Variants in SNX31 observed in about 807,000 individuals in gnomAD.
SNX31 encodes the protein sorting nexin-31.
Under a neutral mutation model 65.4 loss-of-function variants are expected in SNX31, and 58 were observed. That is an observed-to-expected ratio of 0.89 (90% CI 0.72 to 1.10). The LOEUF is 1.10. Ranked by LOEUF, SNX31 falls within the 50% of genes least tolerant of loss-of-function variation. SNX31 has a pLI of 0.00. For synonymous variants in SNX31, 181 were observed against 190.1 expected (o/e 0.95, Z 0.39); for missense variants, 523 against 529.7 (o/e 0.99, Z 0.12).
At chr8:100,619,869 C>T (rs1460557020) in intron 4 of SNX31, 3 of 152,264 alleles carry the variant, frequency 2.0e-5, no homozygotes, top group African/African-American at 4.8e-5. Context: ...AAAGGAGTCA[C>T]ATCATCTTCT....
At chr8:100,624,718 G>A (rs1817929758) in intron 4 of SNX31, among the ~76,000 whole-genome samples, 1 of 152,074 alleles carries the variant, frequency 6.6e-6, no homozygotes, top group Admixed American at 6.6e-5. Flanking sequence ...AAATGTAAAC[G>A]CAATACAAAA....
At position 100,590,906 on chromosome 8, in the gene SNX31, C is replaced by A. The variant is rs111863170; in HGVS notation, c.979-1927G>T. Among the ~76,000 whole-genome samples the A allele has an allele frequency of 5.9e-3, 905 of 152,232 alleles. 12 individuals are homozygous for A. Among genetic ancestry groups the A allele is most frequent in the African/African-American group, 0.02 (822 of 41,520 alleles). ...AAGGAAAACCAAATGAAGTGAGCCCCATAATTATCCCAGCTTACCACCTGA... is the reference window on the plus strand; with the variant it reads ...AAGGAAAACCAAATGAAGTGAGCCCAATAATTATCCCAGCTTACCACCTGA... On this transcript the variant is annotated intron_variant, in intron 10 of 13. Coordinates refer to ENST00000311812, the MANE Select transcript of SNX31 (RefSeq NM_152628.4).
At chr8:100,598,162 G>A (rs1563530898) in intron 9 of SNX31, among the ~76,000 whole-genome samples, 1 of 152,176 alleles carries the variant, frequency 6.6e-6, no homozygotes, top group Non-Finnish European at 1.5e-5. Flanking sequence ...AGTATTCAAA[G>A]CCACTGTCCC....
At position 100,626,162 on chromosome 8, in the gene SNX31, G is replaced by T. The variant is rs1489205484; in HGVS notation, c.321+4165C>A. On this transcript the variant is annotated intron_variant, in intron 4 of 13. Transcript: ENST00000311812. The surrounding 1 kb of genome is among the most constrained non-coding windows in gnomAD (Gnocchi z 4.4). ...AATCGCTTGAACCCAGGAGGTGAAG[G>T]TAGTGACTACCTCATATCTATTAAC... Among the ~76,000 whole-genome samples, 1 of 152,154 alleles carries T rather than the reference G, an allele frequency of 6.6e-6. No homozygotes were observed. The highest frequency in any genetic ancestry group is 1.9e-4 in the East Asian group (1 of 5,196).
At chr8:100,656,520 A>G (rs1401787889) in intron 1 of SNX31, among the ~76,000 whole-genome samples, 1 of 151,762 alleles carries the variant, frequency 6.6e-6, no homozygotes, top group Non-Finnish European at 1.5e-5. Flanking sequence ...GGGTGCCTGT[A>G]ATCCCAGCTA....
intron 8 of SNX31, among the ~76,000 whole-genome samples, chr8:100,608,158 C>T (rs928576415): frequency 6.6e-6 from 1 of 152,132 alleles, no homozygotes; most frequent in Admixed American, 6.5e-5. Context: ...TTATTGTTAT[C>T]GTGGTAAAAT....
Position 100,613,527 on chromosome 8 carries a change from G to T in SNX31, c.433-442C>A, listed in dbSNP as rs976226488. On this transcript the variant is annotated intron_variant, in intron 5 of 13. Coordinates refer to ENST00000311812, the MANE Select transcript of SNX31 (RefSeq NM_152628.4). The surrounding 1 kb of genome is among the most constrained non-coding windows in gnomAD (Gnocchi z 5.2). ...ATTTGGAAAAGGATCACTCCCCGCC[G>T]CTTGGCTGGCATACAAACGTGCATG... Among the ~76,000 whole-genome samples, 1 of 152,172 alleles carries T rather than the reference G, an allele frequency of 6.6e-6. No homozygotes were observed. Among genetic ancestry groups the T allele is most frequent in the African/African-American group, 2.4e-5 (1 of 41,432 alleles).
At chr8:100,597,786 C>A (rs577663093) in intron 9 of SNX31, among the ~76,000 whole-genome samples, 1 of 152,338 alleles carries the variant, frequency 6.6e-6, no homozygotes, top group South Asian at 2.1e-4. Flanking sequence ...GAACTGAGGA[C>A]AGTTGCATTC....
At chr8:100,615,641 G>A (rs184505581) in intron 5 of SNX31, among the ~76,000 whole-genome samples, 3 of 152,332 alleles carry the variant, frequency 2.0e-5, no homozygotes, top group East Asian at 1.9e-4. Flanking sequence ...GGTATGGCCC[G>A]CTGTTCCCAG....
intron 12 of SNX31, among the ~76,000 whole-genome samples, chr8:100,581,346 T>TATAG (rs1461896333): frequency 6.8e-6 from 1 of 147,086 alleles, no homozygotes; most frequent in East Asian, 1.9e-4. Flanking sequence ...TCTATATATA[T>TATAG]ATATATATAT....
At chr8:100,657,620 A>G in intron 1 of SNX31, 1 of 454,900 alleles carries the variant, frequency 2.2e-6, no homozygotes, top group Non-Finnish European at 4.4e-6. Context: ...ATGTGTGGGA[A>G]GGAGGTCCAG....
At chr8:100,616,645 G>A (rs2131072142) in intron 5 of SNX31, among the ~76,000 whole-genome samples, 1 of 152,322 alleles carries the variant, frequency 6.6e-6, no homozygotes, top group African/African-American at 2.4e-5. Context: ...TAGAGATCTA[G>A]CTGGGAAACA....
chr8:100,576,629 C>T lies in SNX31; in HGVS notation c.1227+390G>A, dbSNP rs1813066839. Among the ~76,000 whole-genome samples the T allele has an allele frequency of 6.6e-6, 1 of 152,080 alleles. No individual in the cohort carries two copies. Among genetic ancestry groups the T allele is most frequent in the Admixed American group, 6.5e-5 (1 of 15,282 alleles). ...TATCTGCACAGCAGATCTAAATGCTCAAAAAGTATTTTGTAAACTTAAAAG... is the reference window on the plus strand; with the variant it reads ...TATCTGCACAGCAGATCTAAATGCTTAAAAAGTATTTTGTAAACTTAAAAG... On this transcript the variant is annotated intron_variant, in intron 13 of 13. Transcript: ENST00000311812. This position sits in a 1 kb window ranked among gnomAD's most constrained non-coding sequence, Gnocchi z 4.8.
chr8:100,581,341 A>ATATC (rs1813526484), intron 12 of SNX31, among the ~76,000 whole-genome samples: 1 of 146,060 alleles, frequency 6.8e-6, no homozygotes, highest in African/African-American at 2.5e-5. Context: ...ATCTATCTAT[A>ATATC]TATATATATA....
intron 3 of SNX31, among the ~76,000 whole-genome samples, chr8:100,635,222 T>TTTTA (rs140014187): frequency 4.1e-4 from 62 of 149,766 alleles, no homozygotes; most frequent in South Asian, 1.1e-3. Context: ...ACCTCATCTC[T>TTTTA]TTTATTTATT....
intron 11 of SNX31, among the ~76,000 whole-genome samples, chr8:100,584,619 C>A (rs1290551891): frequency 6.6e-6 from 1 of 151,808 alleles, no homozygotes; most frequent in African/African-American, 2.4e-5. Flanking sequence ...TATTGAGAGA[C>A]CTCTACTGGG....
At chr8:100,619,655 TC>T (rs1447842345) in intron 4 of SNX31, among the ~76,000 whole-genome samples, 1 of 152,218 alleles carries the variant, frequency 6.6e-6, no homozygotes, top group Non-Finnish European at 1.5e-5. Context: ...GGTGGATTGT[TC>T]CTTGGCATCT....
intron 12 of SNX31, chr8:100,582,459 T>C (rs887492045): frequency 6.6e-6 from 1 of 152,234 alleles, no homozygotes; most frequent in African/African-American, 2.4e-5. Context: ...TCCTTGATTC[T>C]TTTATTGCTT....
At position 100,613,231 on chromosome 8, in the gene SNX31, A is replaced by G; in HGVS notation, c.433-146T>C. 1.6e-6 allele frequency: 1 copy of G among 623,584 alleles called. No homozygotes were observed. The highest frequency in any genetic ancestry group is 2.8e-6 in the Non-Finnish European group (1 of 354,186). 38.6% of individuals were successfully genotyped at this position (623,584 alleles called of 1,614,324 possible). A position where few individuals can be genotyped will look rare whatever the true frequency, so the allele number is the denominator to read the frequency against. On this transcript the variant is annotated intron_variant, in intron 5 of 13. Transcript: ENST00000311812. This position sits in a 1 kb window ranked among gnomAD's most constrained non-coding sequence, Gnocchi z 5.2. Reference sequence around the variant, plus strand: ...TGAACACTCAAAGAAAGCTTTTTGGAATCAAAAAATGGTATCCATCTTAGA... The same window carrying G: ...TGAACACTCAAAGAAAGCTTTTTGGGATCAAAAAATGGTATCCATCTTAGA...
Sources: gnomAD v4.1 joint callset for allele counts (sites outside exome capture counted in the v4.1 genomes callset) on GRCh38, gnomAD v4.1.1 for gene constraint, Gnocchi (gnomAD v3.1) non-coding constraint, MANE v1.5 for transcripts, NCBI Gene and HGNC (gene_info 2026-07-23, HGNC 2026-07-21) for gene names.